The following IRAG2 variants were observed in gnomAD, a reference collection of about 807,000 sequenced individuals.
The protein encoded by IRAG2 is lymphoid restricted membrane protein.
Under a neutral mutation model 69.9 loss-of-function variants are expected in IRAG2, and 45 were observed. That is an observed-to-expected ratio of 0.64 (90% CI 0.51 to 0.83). The LOEUF is 0.83. Ranked by LOEUF, IRAG2 falls within the 40% of genes least tolerant of loss-of-function variation. The pLI is 0.00. For missense variants in IRAG2, 520 were observed against 587.0 expected (o/e 0.89, Z 1.18); for synonymous variants, 193 against 202.4 (o/e 0.95, Z 0.40).
intron 3 of IRAG2, among the ~76,000 whole-genome samples, chr12:25,013,873 T>C (rs866328575): frequency 9.9e-4 from 122 of 122,662 alleles, no homozygotes; most frequent in African/African-American, 3.6e-3. Flanking sequence ...TTTCTTTTTT[T>C]TTTTTTTTTT....
chr12:25,070,276 T>C (rs1565555364), intron 6 of IRAG2, among the ~76,000 whole-genome samples: 1 of 152,196 alleles, frequency 6.6e-6, no homozygotes, highest in Non-Finnish European at 1.5e-5. Context: ...TATTTCCTCC[T>C]GTCCCCAACC....
chr12:25,101,905 T>C, intron 16 of IRAG2: 1 of 603,548 alleles, frequency 1.7e-6, no homozygotes, highest in Non-Finnish European at 3.1e-6. Flanking sequence ...TTTGATACTC[T>C]TCTGAACTGT....
chr12:25,086,217 G>A (rs1947597892), intron 10 of IRAG2, among the ~76,000 whole-genome samples: 1 of 152,174 alleles, frequency 6.6e-6, no homozygotes, highest in Non-Finnish European at 1.5e-5. Flanking sequence ...TGAAGGTGGA[G>A]AAAAGGAGAT....
chr12:25,080,206 T>C (rs1234156825), intron 9 of IRAG2, among the ~76,000 whole-genome samples: 7 of 151,666 alleles, frequency 4.6e-5, no homozygotes, highest in African/African-American at 1.7e-4. Flanking sequence ...GTTTGTTAGG[T>C]CCTTTTCTGC....
chr12:25,088,261 A>G (rs1947783890), intron 11 of IRAG2, 104 bp downstream of exon 11: 3 of 900,984 alleles, frequency 3.3e-6, no homozygotes, highest in South Asian at 2.9e-5. Context: ...CAAATTCTGC[A>G]TCTCTGGATA....
intron 9 of IRAG2, among the ~76,000 whole-genome samples, chr12:25,082,185 G>A (rs1214023056): frequency 6.6e-6 from 1 of 152,182 alleles, no homozygotes; most frequent in Non-Finnish European, 1.5e-5. Context: ...ATTGTGTCTA[G>A]GGAGATAAAC....
intron 14 of IRAG2, among the ~76,000 whole-genome samples, chr12:25,094,087 G>C (rs929173542): frequency 4.7e-5 from 6 of 128,984 alleles, no homozygotes; most frequent in African/African-American, 1.9e-4. Flanking sequence ...TTTTAAGTCT[G>C]ATGTAGTTCC....
chr12:25,089,732 G>T (rs954079639), intron 12 of IRAG2, 31 bp from the exon 13 acceptor site: 2 of 1,612,530 alleles, frequency 1.2e-6, no homozygotes, highest in Admixed American at 1.7e-5. Flanking sequence ...GTTGGATTAT[G>T]TTTAAATATG....
In IRAG2 at chr12:25,065,100, A is replaced by AAG. The variant is rs398076502; in HGVS notation, c.-206-1255_-206-1254dup. On this transcript the variant is annotated intron_variant, in intron 4 of 21. Coordinates refer to ENST00000556887, the MANE Select transcript of IRAG2 (RefSeq NM_001366544.2). ...GTGAGACTCAGTCTCAAAAAAAAAA[A>AAG]AGAGAGAGAGAAAGAATGCTTGCTA... Among the ~76,000 whole-genome samples, 17 of 151,904 alleles carry AAG rather than the reference A, an allele frequency of 1.1e-4. No individual in the cohort carries two copies. In the East Asian group the frequency reaches 2.3e-3, roughly 21 times the overall value.
chr12:25,104,824 T>C (rs1270217680), intron 20 of IRAG2, among the ~76,000 whole-genome samples: 2 of 152,164 alleles, frequency 1.3e-5, no homozygotes, highest in East Asian at 3.8e-4. Flanking sequence ...ACATGAGATA[T>C]ATAACGTACG....
chr12:25,096,153 T>C (rs1948405564), intron 14 of IRAG2, among the ~76,000 whole-genome samples: 1 of 151,910 alleles, frequency 6.6e-6, no homozygotes, highest in Middle Eastern at 3.4e-3. Flanking sequence ...TCAGAAAGGT[T>C]GATTTTTTTT....
intron 6 of IRAG2, among the ~76,000 whole-genome samples, chr12:25,019,026 G>A (rs1469791328): frequency 6.6e-6 from 1 of 152,200 alleles, no homozygotes; most frequent in East Asian, 1.9e-4. Context: ...TTGCAACCGG[G>A]ATGGCTTGTT....
chr12:25,080,569 G>T (rs1226559408), intron 9 of IRAG2, among the ~76,000 whole-genome samples: 1 of 152,020 alleles, frequency 6.6e-6, no homozygotes, highest in African/African-American at 2.4e-5. Flanking sequence ...AGCCAGGATG[G>T]TCTCGATCTC....
intron 6 of IRAG2, 87 bp from the exon 7 acceptor site, chr12:25,079,157 T>C (rs1947026195): frequency 3.1e-6 from 4 of 1,305,630 alleles, no homozygotes; most frequent in Admixed American, 3.4e-5. Context: ...TCATTTAGAA[T>C]TGTATGAAAA....
intron 3 of IRAG2, among the ~76,000 whole-genome samples, chr12:25,012,140 T>G (rs1380602046): frequency 2.5e-5 from 1 of 39,316 alleles, no homozygotes; most frequent in Non-Finnish European, 5.2e-5. Flanking sequence ...AGAAAGCGAA[T>G]TCCCTTTTTT....
intron 1 of IRAG2, among the ~76,000 whole-genome samples, chr12:25,060,742 C>CCCAGGTTCACCTGGGTT (rs1565545605): frequency 6.7e-6 from 1 of 148,168 alleles, no homozygotes; most frequent in African/African-American, 2.5e-5. Context: ...CTCACTGCAA[C>CCCAGGTTCACCTGGGTT]CTTCACCTCC....
chr12:25,057,282 A>G (rs1347517858), intron 1 of IRAG2, among the ~76,000 whole-genome samples: 1 of 121,632 alleles, frequency 8.2e-6, no homozygotes, highest in Non-Finnish European at 1.6e-5. Flanking sequence ...TTTTTGAGAC[A>G]GGATCTCATT....
intron 10 of IRAG2, among the ~76,000 whole-genome samples, chr12:25,086,662 G>A (rs947531260): frequency 6.6e-6 from 1 of 152,134 alleles, no homozygotes; most frequent in Non-Finnish European, 1.5e-5. Context: ...GGGCTGTGAC[G>A]CGGGGCTGGG....
At chr12:25,053,723 T>A (rs1945020252) in intron 1 of IRAG2, among the ~76,000 whole-genome samples, 1 of 151,570 alleles carries the variant, frequency 6.6e-6, no homozygotes, top group Admixed American at 6.6e-5. Flanking sequence ...GCAGTATAAA[T>A]ATTCTTTTTA....
Sources: allele counts gnomAD v4.1 joint callset (sites outside exome capture counted in the v4.1 genomes callset), GRCh38; gene constraint gnomAD v4.1.1; transcripts MANE v1.5; gene names NCBI Gene and HGNC (gene_info 2026-07-23, HGNC 2026-07-21).